The following CDH7 variants were observed in gnomAD, a reference collection of about 807,000 sequenced individuals.
CDH7 encodes cadherin-7.
Under a neutral mutation model 71.8 loss-of-function variants are expected in CDH7, and 25 were observed. That is an observed-to-expected ratio of 0.35 (90% CI 0.25 to 0.49). The LOEUF is 0.49. Ranked by LOEUF, CDH7 falls within the 20% of genes least tolerant of loss-of-function variation. The probability of loss-of-function intolerance (pLI) is 0.99; values close to 1 mark genes in which losing one functional copy is unlikely to be tolerated. For synonymous variants in CDH7, 381 were observed against 363.8 expected (o/e 1.05, Z -0.54); for missense variants, 862 against 974.6 (o/e 0.88, Z 1.54).
At chr18:65,804,646 G>A (rs544979513) in intron 2 of CDH7, among the ~76,000 whole-genome samples, 21 of 151,748 alleles carry the variant, frequency 1.4e-4, no homozygotes, top group African/African-American at 5.1e-4. Context: ...GAAGGTAATG[G>A]AGATTCTGGC....
chr18:65,778,567 TA>T (rs1386712353), intron 2 of CDH7, among the ~76,000 whole-genome samples: 1 of 131,520 alleles, frequency 7.6e-6, no homozygotes, highest in East Asian at 2.3e-4. Flanking sequence ...AATGGTTTAA[TA>T]AGTTTTGGAA....
At chr18:65,873,398 G>A (rs1199279377) in intron 11 of CDH7, among the ~76,000 whole-genome samples, 1 of 152,124 alleles carries the variant, frequency 6.6e-6, no homozygotes, top group Non-Finnish European at 1.5e-5. Flanking sequence ...AGTGTGAAAT[G>A]CATATGTAAT....
At chr18:65,785,830 A>G (rs1910492954) in intron 2 of CDH7, among the ~76,000 whole-genome samples, 1 of 152,214 alleles carries the variant, frequency 6.6e-6, no homozygotes, top group East Asian at 1.9e-4. Flanking sequence ...AAAGTAACAC[A>G]AAAATTAAAA....
At chr18:65,812,787 T>C (rs191509717) in intron 3 of CDH7, among the ~76,000 whole-genome samples, 1 of 152,196 alleles carries the variant, frequency 6.6e-6, no homozygotes, top group South Asian at 2.1e-4. Context: ...CTTACTGAAG[T>C]TTAGTTTTTA....
chr18:65,873,741 A>G (rs1279388370), intron 11 of CDH7, among the ~76,000 whole-genome samples: 1 of 152,182 alleles, frequency 6.6e-6, no homozygotes, highest in Non-Finnish European at 1.5e-5. Context: ...ATAAGAGACC[A>G]TATAGATGAT....
intron 3 of CDH7, among the ~76,000 whole-genome samples, chr18:65,813,746 G>T (rs142829517): frequency 1.3e-5 from 2 of 152,010 alleles, no homozygotes; most frequent in African/African-American, 4.8e-5. Context: ...AAGGAAAACA[G>T]ATCAGAAGAA....
chr18:65,849,102 A>C (rs1026269896), intron 7 of CDH7, among the ~76,000 whole-genome samples: 4 of 152,172 alleles, frequency 2.6e-5, no homozygotes, highest in African/African-American at 9.6e-5. Flanking sequence ...CTAGCAATAA[A>C]ACTGATTAAC....
chr18:65,814,237 G>T (rs1313213592), intron 3 of CDH7, among the ~76,000 whole-genome samples: 1 of 20,288 alleles, frequency 4.9e-5, no homozygotes, highest in South Asian at 4.2e-3. Flanking sequence ...GTGCATCATC[G>T]ATGGTATTTT....
At chr18:65,831,634 A>T (rs1912352489) in intron 6 of CDH7, among the ~76,000 whole-genome samples, 1 of 152,072 alleles carries the variant, frequency 6.6e-6, no homozygotes, top group Admixed American at 6.6e-5. Context: ...AGCCTACATT[A>T]TACCCTAGAT....
At position 65,886,715 on chromosome 18, in the gene CDH7, CAT is replaced by C. The variant is rs1914382633; in HGVS notation, c.*5824_*5825del. 2 of 152,056 alleles carry C rather than the reference CAT, an allele frequency of 1.3e-5. No homozygotes were observed. Among genetic ancestry groups the C allele is most frequent in the African/African-American group, 4.8e-5 (2 of 41,410 alleles). 9.4% of individuals were successfully genotyped at this position (152,056 alleles called of 1,614,324 possible). A position where few individuals can be genotyped will look rare whatever the true frequency, so the allele number is the denominator to read the frequency against. On this transcript the variant is annotated 3_prime_UTR_variant, in exon 12 of 12. Coordinates refer to ENST00000397968, the MANE Select transcript of CDH7 (RefSeq NM_004361.5). ...ACAATACTTTTTAAAGTCACAGTGA[CAT>C]ATGTGTAATTAATAATTTATACACT...
At chr18:65,856,102 C>T (rs1308211723) in intron 7 of CDH7, among the ~76,000 whole-genome samples, 1 of 152,090 alleles carries the variant, frequency 6.6e-6, no homozygotes, top group Non-Finnish European at 1.5e-5. Context: ...CCATGCCATG[C>T]ACATGCCATC....
intron 3 of CDH7, among the ~76,000 whole-genome samples, chr18:65,811,961 C>CT (rs1369279315): frequency 2.7e-4 from 14 of 52,706 alleles, no homozygotes; most frequent in African/African-American, 7.1e-4. Flanking sequence ...CTTTTCTTTT[C>CT]TTTTCTTTTT....
At chr18:65,880,334 A>G in intron 11 of CDH7, 67 bp from the exon 12 acceptor site, 1 of 1,488,636 alleles carries the variant, frequency 6.7e-7, no homozygotes. Context: ...CCTAGGCCTA[A>G]TTTTACCATG....
chr18:65,803,360 A>T (rs1568193744), intron 2 of CDH7: 1 of 152,288 alleles, frequency 6.6e-6, no homozygotes, highest in South Asian at 2.1e-4. Context: ...TTCATTTGTT[A>T]CTTAATAAAA....
At chr18:65,840,765 C>A (rs566471917) in intron 6 of CDH7, among the ~76,000 whole-genome samples, 90 of 152,068 alleles carry the variant, frequency 5.9e-4, no homozygotes, top group Non-Finnish European at 1.1e-3. Flanking sequence ...TTGTAAATTG[C>A]CCAATCTTGG....
intron 4 of CDH7, 94 bp from the exon 5 acceptor site, chr18:65,821,987 A>C: frequency 1.1e-6 from 1 of 931,406 alleles, no homozygotes. Context: ...AAAAGGCAAC[A>C]ACTCAAGAGG....
intron 7 of CDH7, among the ~76,000 whole-genome samples, chr18:65,852,449 C>T (rs1298558320): frequency 6.6e-6 from 1 of 152,096 alleles, no homozygotes; most frequent in Non-Finnish European, 1.5e-5. Flanking sequence ...CAGCATAATG[C>T]CATCAAGAGC....
chr18:65,883,458 ATAAAAT>A lies in CDH7; in HGVS notation c.*2568_*2573del, dbSNP rs367905565. 3.2e-3 allele frequency: 480 copies of A among 152,138 alleles called. 8 individuals carry two copies. The highest frequency in any genetic ancestry group is 0.011 in the African/African-American group (456 of 41,552). The allele number at this position is 152,138 out of a possible 1,614,324, so 9.4% of individuals were successfully genotyped here. On this transcript the variant is annotated 3_prime_UTR_variant, in exon 12 of 12. Transcript: ENST00000397968. ...AAAACAGTGATTGAAGAGCTGATTG[ATAAAAT>A]TAATATTAAGTCTAGTTGGAAAATT...
chr18:65,811,187 TAAAA>T (rs36078345), intron 3 of CDH7, among the ~76,000 whole-genome samples: 8 of 147,194 alleles, frequency 5.4e-5, no homozygotes, highest in South Asian at 4.3e-4. Flanking sequence ...TGTGATTTAT[TAAAA>T]AAAAAAAAAA....
Sources: gnomAD v4.1 joint callset for allele counts (sites outside exome capture counted in the v4.1 genomes callset) on GRCh38, gnomAD v4.1.1 for gene constraint, MANE v1.5 for transcripts, NCBI Gene and HGNC (gene_info 2026-07-23, HGNC 2026-07-21) for gene names.